PTCH1: variants seen among roughly 807,000 people sequenced by gnomAD.
PTCH1 encodes protein patched homolog 1.
PTCH1 carries 14 observed loss-of-function variants against 144.6 expected under a neutral mutation model. The observed-to-expected ratio is 0.10, with a 90% CI of 0.06 to 0.15. The LOEUF (loss-of-function observed/expected upper bound fraction) is 0.15. PTCH1 is among the 10% of genes least tolerant of loss of function. The probability of loss-of-function intolerance (pLI) is 1.00; values close to 1 mark genes in which losing one functional copy is unlikely to be tolerated. For missense variants in PTCH1, 1,623 were observed against 1,948.3 expected (o/e 0.83, Z 3.14); for synonymous variants, 833 against 793.6 (o/e 1.05, Z -0.83).
intron 2 of PTCH1, chr9:95,494,429 A>T: frequency 1.0e-6 from 1 of 985,494 alleles, no homozygotes; most frequent in Non-Finnish European, 1.2e-6. Flanking sequence ...CTGGCAAATG[A>T]GGGCTGTGCA....
intron 1 of PTCH1, 113 bp downstream of exon 1, chr9:95,508,048 T>A (rs1843866824): frequency 6.6e-7 from 1 of 1,526,082 alleles, no homozygotes. Flanking sequence ...AGTGAGTGTG[T>A]GTGTGTGTGT....
At chr9:95,486,070 T>A (rs1841943825) in intron 2 of PTCH1, among the ~76,000 whole-genome samples, 196 bp from the exon 3 acceptor site, 1 of 152,176 alleles carries the variant, frequency 6.6e-6, no homozygotes, top group Non-Finnish European at 1.5e-5. Flanking sequence ...AAATACTCAC[T>A]AAGCCCATTA....
upstream of PTCH1, among the ~76,000 whole-genome samples, chr9:95,509,673 A>G (rs1844044264): frequency 6.6e-6 from 1 of 152,202 alleles, no homozygotes; most frequent in African/African-American, 2.4e-5. Context: ...TATTTTTTTA[A>G]GCGCTTAAAC....
Position 95,449,233 on chromosome 9 carries a change from T to C in PTCH1, c.3640A>G (p.Thr1214Ala), listed in dbSNP as rs1564008713. Residue 1214 changes from threonine (T) to alanine (A), a missense_variant, in exon 22 of 24, where the codon ACG (threonine) becomes GCG (alanine). By Grantham distance (58) the Thr-to-Ala change is moderately conservative. Coordinates refer to ENST00000331920, the MANE Select transcript of PTCH1 (RefSeq NM_000264.5). The surrounding 1 kb of genome is among the most constrained non-coding windows in gnomAD (Gnocchi z 5.3). ...VVRFAMPPGH[T>A]HSGSDSSDSE... ...TCGGAGGAATCAGACCCGCTGTGCG[T>C]GTGGCCGGGCGGCATGGCGAAGCGG... is the stretch of plus-strand genomic sequence containing the variant. 1.3e-6 allele frequency: 2 copies of C among 1,589,640 alleles called. No individual in the cohort carries two copies. The highest frequency in any genetic ancestry group is 1.7e-6 in the Non-Finnish European group (2 of 1,167,986).
intron 5 of PTCH1, 102 bp downstream of exon 5, chr9:95,481,847 T>C (rs2118454590): frequency 9.0e-7 from 1 of 1,110,742 alleles, no homozygotes; most frequent in Admixed American, 1.9e-5. Context: ...ATGTTTTTAT[T>C]TCTTGTTCAA....
At chr9:95,447,479 G>A in intron 22 of PTCH1, 28 bp from the exon 23 acceptor site, 1 of 1,525,216 alleles carries the variant, frequency 6.6e-7, no homozygotes, top group Non-Finnish European at 8.7e-7. Flanking sequence ...GGGTTAGAAG[G>A]GTGGTATCCC....
chr9:95,465,632 C>A (rs982674985), intron 15 of PTCH1, among the ~76,000 whole-genome samples: 1 of 152,176 alleles, frequency 6.6e-6, no homozygotes, highest in East Asian at 1.9e-4. Flanking sequence ...CCTCTACCAA[C>A]CTCAAGTTGT....
chr9:95,487,297 G>A (rs1426207680), intron 2 of PTCH1, among the ~76,000 whole-genome samples: 1 of 152,194 alleles, frequency 6.6e-6, no homozygotes, highest in Admixed American at 6.5e-5. Flanking sequence ...GAATATATCA[G>A]TTGGTTAATA....
chr9:95,514,322 G>C (rs1294640221), intron 1 of PTCH1: 1 of 151,994 alleles, frequency 6.6e-6, no homozygotes, highest in African/African-American at 2.4e-5. Context: ...CCCTCTCCTC[G>C]CCTCTCCCTG....
At chr9:95,498,656 T>C (rs144007869) in intron 2 of PTCH1, among the ~76,000 whole-genome samples, 251 of 152,126 alleles carry the variant, frequency 1.6e-3, no homozygotes, top group African/African-American at 5.6e-3. Flanking sequence ...TAAATCCAAT[T>C]TAAAGAGAAA....
At chr9:95,494,585 GC>G (rs1157488285) in intron 2 of PTCH1, among the ~76,000 whole-genome samples, 2 of 152,188 alleles carry the variant, frequency 1.3e-5, no homozygotes, top group African/African-American at 4.8e-5. Flanking sequence ...GGCCGCTCAA[GC>G]GCAACAGGCA....
Position 95,508,952 on chromosome 9 carries a change from C to G in PTCH1, c.-591G>C, listed in dbSNP as rs1179184715. Among the ~76,000 whole-genome samples the G allele has an allele frequency of 6.6e-6, 1 of 151,466 alleles. No homozygotes were observed. Among genetic ancestry groups the G allele is most frequent in the African/African-American group, 2.4e-5 (1 of 41,306 alleles). ...CGGGCCCGGGCAGCCGCAGCTGCCG[C>G]TGCTCCCGCGGTGGCTGCTGCTGGC... On this transcript the variant is annotated 5_prime_UTR_variant, in exon 1 of 24. Coordinates refer to ENST00000331920, the MANE Select transcript of PTCH1 (RefSeq NM_000264.5).
exon 1 of PTCH1, chr9:95,516,688 C>T (rs1274299143): frequency 6.2e-7 from 1 of 1,612,754 alleles, no homozygotes; most frequent in Non-Finnish European, 8.5e-7. Context: ...TCTTCTTCTT[C>T]TTCTCCTCCT....
At chr9:95,472,290 C>T (rs999886149) in intron 12 of PTCH1, among the ~76,000 whole-genome samples, 3 of 152,202 alleles carry the variant, frequency 2.0e-5, no homozygotes, top group Admixed American at 6.5e-5. Flanking sequence ...GCGGTCAAGT[C>T]ACCTGCCTGA....
intron 3 of PTCH1, chr9:95,482,431 A>G (rs1021081149): frequency 3.5e-6 from 2 of 572,816 alleles, no homozygotes; most frequent in Admixed American, 3.1e-5. Flanking sequence ...GAATGCTACC[A>G]AAGTACTTGA....
rs746339472 is a variant in PTCH1 at position 95,506,413 on chromosome 9, C to T, written c.388G>A (p.Val130Met). 29 of 1,610,922 alleles carry T rather than the reference C, an allele frequency of 1.8e-5. No homozygotes were observed. Among genetic ancestry groups the T allele is most frequent in the Non-Finnish European group, 2.4e-5 (28 of 1,179,220 alleles). Residue 130 changes from valine to methionine, a missense_variant, in exon 2 of 24, where the codon GTG (valine) becomes ATG (methionine). By Grantham distance (21) the Val-to-Met change is conservative. Transcript: ENST00000331920. ...CCGCGGCGGGCGCTCTTACCTTCCACCCACAGCTCCTCCACGTTGGTCTCG... is the reference window on the plus strand; with the variant it reads ...CCGCGGCGGGCGCTCTTACCTTCCATCCACAGCTCCTCCACGTTGGTCTCG... ...NLETNVEELWVEVGGRVSREL... is the reference protein window; with the variant it reads ...NLETNVEELWMEVGGRVSREL...
chr9:95,495,842 GA>G (rs1842751515), intron 2 of PTCH1, among the ~76,000 whole-genome samples: 1 of 152,028 alleles, frequency 6.6e-6, no homozygotes. Context: ...TCCTCCCAGG[GA>G]ATCATTTACC....
rs926983602 is a variant in PTCH1, at chr9:95,488,273, T to G, written c.395-2399A>C. 3.3e-5 allele frequency among the ~76,000 whole-genome samples: 5 copies of G among 152,306 alleles called. No homozygotes were observed. In the South Asian group the frequency reaches 6.2e-4, roughly 19 times the overall value. On this transcript the variant is annotated intron_variant, in intron 2 of 23. Coordinates refer to ENST00000331920, the MANE Select transcript of PTCH1 (RefSeq NM_000264.5). ...TATAGATTTGTCCTTTCTCTGGAATTGGAAAACCTGTCGCTCCCCCATCTC... is the reference window on the plus strand; with the variant it reads ...TATAGATTTGTCCTTTCTCTGGAATGGGAAAACCTGTCGCTCCCCCATCTC...
Position 95,508,547 on chromosome 9 carries a change from CGCTGCT to C in PTCH1, c.-192_-187del. Reference sequence around the variant, plus strand: ...CCGCTGCTGCTGCTCACACGGCGGGCGCTGCTGCCGCTGCGGCCGCGGCCGCTGCCG... The same window carrying C: ...CCGCTGCTGCTGCTCACACGGCGGGCGCCGCTGCGGCCGCGGCCGCTGCCG... On this transcript the variant is annotated 5_prime_UTR_variant, in exon 1 of 24. Transcript: ENST00000331920. 1 of 1,007,336 alleles carries C rather than the reference CGCTGCT, an allele frequency of 9.9e-7. No homozygotes were observed. The highest frequency in any genetic ancestry group is 1.2e-6 in the Non-Finnish European group (1 of 844,384). 62.4% of individuals were successfully genotyped at this position (1,007,336 alleles called of 1,614,324 possible).
Sources: allele counts gnomAD v4.1 joint callset (sites outside exome capture counted in the v4.1 genomes callset), GRCh38; gene constraint gnomAD v4.1.1; non-coding constraint Gnocchi (gnomAD v3.1); transcripts MANE v1.5; gene names NCBI Gene and HGNC (gene_info 2026-07-23, HGNC 2026-07-21).